DNASE1: variants seen among roughly 807,000 people sequenced by gnomAD.
DNASE1 encodes deoxyribonuclease-1.
DNASE1 carries 40 observed loss-of-function variants against 33.9 expected under a neutral mutation model. The ratio of observed to expected loss-of-function variants is 1.18; its 90% CI spans 0.92 to 1.54. The LOEUF (loss-of-function observed/expected upper bound fraction) is 1.54. Among genes scored for constraint, DNASE1 ranks in the 40% most tolerant of loss-of-function variants. The pLI is 0.00. For synonymous variants in DNASE1, 216 were observed against 160.0 expected (o/e 1.35, Z -2.64); for missense variants, 518 against 372.6 (o/e 1.39, Z -3.21).
chr16:3,658,302 A>C, downstream of DNASE1: 1 of 1,242,732 alleles, frequency 8.0e-7, no homozygotes, highest in Non-Finnish European at 1.2e-6. Flanking sequence ...TTTGAGACAG[A>C]GTCTCACTGT....
upstream of DNASE1, among the ~76,000 whole-genome samples, chr16:3,638,413 C>A (rs2041935810): frequency 6.6e-6 from 1 of 152,194 alleles, no homozygotes; most frequent in African/African-American, 2.4e-5. Context: ...TCTTGGCTCA[C>A]TGCAAGCTCC....
downstream of DNASE1, chr16:3,661,751 A>G (rs997833738): frequency 6.6e-5 from 28 of 425,698 alleles, no homozygotes; most frequent in Non-Finnish European, 1.0e-4. Flanking sequence ...AAACGAGGAC[A>G]TGGTCACAGG....
downstream of DNASE1, chr16:3,661,433 A>C (rs1425889516): frequency 6.6e-6 from 1 of 152,196 alleles, no homozygotes; most frequent in East Asian, 1.9e-4. Flanking sequence ...GGCCACAGAG[A>C]AACCCACACA....
chr16:3,633,003 C>G (rs1307626466), intron 1 of DNASE1, among the ~76,000 whole-genome samples: 1 of 152,012 alleles, frequency 6.6e-6, no homozygotes, highest in Non-Finnish European at 1.5e-5. Context: ...AATTTTTGTT[C>G]TTCTGAGAAA....
chr16:3,660,574 C>G (rs973439437), downstream of DNASE1: 2 of 152,220 alleles, frequency 1.3e-5, no homozygotes, highest in Admixed American at 1.3e-4. Context: ...GTCCGCCTCA[C>G]TGAGCTGCTC....
exon 10 of DNASE1, chr16:3,664,390 C>G (rs1322238521): frequency 1.2e-6 from 2 of 1,612,494 alleles, no homozygotes; most frequent in East Asian, 2.2e-5. Flanking sequence ...CTGGCGTATT[C>G]TGAGAGGCTG....
Position 3,656,116 on chromosome 16 carries a change from C to T in DNASE1, c.251C>T (p.Thr84Ile). The change falls in exon 4 of 9, where the codon ACC becomes ATC. Residue 84 changes from threonine to isoleucine, a missense_variant. Physicochemically the swap from Thr to Ile is moderately conservative, Grantham distance 89. Coordinates refer to ENST00000246949, the MANE Select transcript of DNASE1 (RefSeq NM_005223.4). ...LDNLNQDAPD[T>I]YHYVVSEPLG... ...CTTCAATCCAGGGATGCACCAGACA[C>T]CTATCACTACGTGGTCAGTGAGCCA... The T allele has an allele frequency of 6.2e-7, 1 of 1,614,110 alleles. No individual in the cohort carries two copies. Among genetic ancestry groups the T allele is most frequent in the East Asian group, 2.2e-5 (1 of 44,876 alleles).
chr16:3,623,908 CAG>C (rs2041412911), intron 1 of DNASE1, among the ~76,000 whole-genome samples: 1 of 152,128 alleles, frequency 6.6e-6, no homozygotes, highest in Non-Finnish European at 1.5e-5. Flanking sequence ...CAAAAAACAA[CAG>C]ATGTTGGCAT....
chr16:3,655,138 G>C, intron 1 of DNASE1, 94 bp downstream of exon 1: 1 of 609,110 alleles, frequency 1.6e-6, no homozygotes, highest in Non-Finnish European at 2.9e-6. Context: ...GTGAGGCGGA[G>C]GCTCCAGCGT....
At chr16:3,662,059 C>G, downstream of DNASE1, 3 of 1,613,436 alleles carry the variant, frequency 1.9e-6, no homozygotes, top group Non-Finnish European at 2.5e-6. Flanking sequence ...CTGCTGCATG[C>G]GCAGGAAGTG....
chr16:3,659,156 GATAAATA>G (rs2042916083), downstream of DNASE1: 1 of 315,982 alleles, frequency 3.2e-6, no homozygotes, highest in Non-Finnish European at 5.8e-6. Context: ...TTGGTTCCTA[GATAAATA>G]ATAAAAGAGA....
intron 1 of DNASE1, among the ~76,000 whole-genome samples, chr16:3,644,786 G>A (rs2042124257): frequency 6.6e-6 from 1 of 151,662 alleles, no homozygotes; most frequent in African/African-American, 2.4e-5. Flanking sequence ...CCAGCAGATT[G>A]GAATCAGCTG....
intron 1 of DNASE1, among the ~76,000 whole-genome samples, chr16:3,616,003 T>G (rs2041090418): frequency 6.6e-6 from 1 of 152,214 alleles, no homozygotes. Context: ...TCTCCTGAGT[T>G]CTTTGATCAT....
chr16:3,641,960 C>T (rs2042034430), upstream of DNASE1, among the ~76,000 whole-genome samples: 2 of 152,224 alleles, frequency 1.3e-5, no homozygotes, highest in Admixed American at 1.3e-4. Flanking sequence ...AGAAATACAG[C>T]ACTGCCTTGG....
chr16:3,656,904 C>A lies in DNASE1; in HGVS notation c.437-95C>A, dbSNP rs557074344. 49 of 1,553,160 alleles carry A rather than the reference C, an allele frequency of 3.2e-5. No homozygotes were observed. The South Asian group carries it at 4.9e-4, about 16-fold the overall frequency. ...CAAGTCATTTGGAAAATATCCACCC[C>A]CCGGGGGGACTGTCATGATACATAG... is the stretch of plus-strand genomic sequence containing the variant. On this transcript the variant is annotated intron_variant, in intron 5 of 8. Transcript: ENST00000246949.
chr16:3,615,927 T>A (rs1446433027), intron 1 of DNASE1, among the ~76,000 whole-genome samples: 2 of 152,216 alleles, frequency 1.3e-5, no homozygotes, highest in African/African-American at 4.8e-5. Context: ...CCATAACCTG[T>A]CCACCTCCCT....
intron 1 of DNASE1, among the ~76,000 whole-genome samples, chr16:3,635,457 C>CAAAA (rs753495578): frequency 3.4e-5 from 2 of 59,612 alleles, no homozygotes; most frequent in African/African-American, 6.5e-5. Context: ...GACTCTGTCT[C>CAAAA]AAAAAAAAAA....
chr16:3,619,643 G>A (rs2041235973), intron 1 of DNASE1, among the ~76,000 whole-genome samples: 1 of 152,068 alleles, frequency 6.6e-6, no homozygotes, highest in Non-Finnish European at 1.5e-5. Flanking sequence ...TTACAGGCAT[G>A]AGCCACTGTG....
chr16:3,620,697 G>A (rs1361044111), intron 1 of DNASE1, among the ~76,000 whole-genome samples: 2 of 151,630 alleles, frequency 1.3e-5, no homozygotes, highest in Admixed American at 6.6e-5. Flanking sequence ...CTTATAACCT[G>A]TATGTGTGTG....
Sources: gnomAD v4.1 joint callset for allele counts (sites outside exome capture counted in the v4.1 genomes callset) on GRCh38, gnomAD v4.1.1 for gene constraint, MANE v1.5 for transcripts, NCBI Gene and HGNC (gene_info 2026-07-23, HGNC 2026-07-21) for gene names.